Variants in IL17RB observed in about 807,000 individuals in gnomAD.
IL17RB encodes interleukin 17 receptor B.
A neutral mutation model predicts 43.9 loss-of-function variants in IL17RB; 36 were observed. That is an observed-to-expected ratio of 0.82 (90% confidence interval 0.63 to 1.08). The LOEUF is 1.08. Ranked by LOEUF, IL17RB falls within the 50% of genes least tolerant of loss-of-function variation. The pLI is 0.00. For missense variants in IL17RB, 613 were observed against 613.6 expected (o/e 1.00, Z 0.01); for synonymous variants, 225 against 225.4 (o/e 1.00, Z 0.02).
intron 10 of IL17RB, among the ~76,000 whole-genome samples, chr3:53,863,333 C>T (rs1210551256): frequency 6.6e-6 from 1 of 152,094 alleles, no homozygotes; most frequent in Non-Finnish European, 1.5e-5. Flanking sequence ...TTGCTAACTT[C>T]AAAACATGGA....
At chr3:53,856,004 C>T (rs28385746) in intron 6 of IL17RB, among the ~76,000 whole-genome samples, 2,025 of 152,304 alleles carry the variant, frequency 0.013, 42 homozygotes, top group African/African-American at 0.045. Context: ...GCCCAGAACT[C>T]TTAGGCACCC....
At position 53,853,000 on chromosome 3, in the gene IL17RB, A is replaced by G; in HGVS notation, c.481+3A>G. On this transcript the variant is annotated splice_donor_region_variant and intron_variant, in intron 5 of 10. Coordinates refer to ENST00000288167, the MANE Select transcript of IL17RB (RefSeq NM_018725.4). ...GTCTGTGAATTTCACCTCACCAGGTAAACTTCCTCATTTGTTTATTATTCT... is the reference window on the plus strand; with the variant it reads ...GTCTGTGAATTTCACCTCACCAGGTGAACTTCCTCATTTGTTTATTATTCT... 1 of 1,614,036 alleles carries G rather than the reference A, an allele frequency of 6.2e-7. No homozygotes were observed. The highest frequency in any genetic ancestry group is 8.5e-7 in the Non-Finnish European group (1 of 1,179,924).
chr3:53,855,247 A>G (rs1483841008), intron 5 of IL17RB, 47 bp from the exon 6 acceptor site: 1 of 1,324,482 alleles, frequency 7.6e-7, no homozygotes, highest in East Asian at 2.3e-5. Flanking sequence ...GGGGTGGGGC[A>G]GAGATACCTT....
At chr3:53,862,165 A>G (rs1576847645) in intron 10 of IL17RB, among the ~76,000 whole-genome samples, 1 of 152,162 alleles carries the variant, frequency 6.6e-6, no homozygotes, top group Admixed American at 6.5e-5. Flanking sequence ...TTGATATTGG[A>G]CAATGCCCCC....
Position 53,865,011 on chromosome 3 carries a change from C to T in IL17RB, c.1212C>T (p.Cys404=), listed in dbSNP as rs3733078. The change falls in exon 11 of 11, where the codon TGC becomes TGT. Residue 404 remains cysteine, a synonymous_variant. Transcript: ENST00000288167. ...FLLSNDVNSV[C]DGTCGKSEGS... Reference sequence around the variant, plus strand: ...TTTCCAATGACGTCAACAGTGTGTGCGATGGTACCTGTGGCAAGAGCGAGG... The same window carrying T: ...TTTCCAATGACGTCAACAGTGTGTGTGATGGTACCTGTGGCAAGAGCGAGG... 115 of 1,614,044 alleles carry T rather than the reference C, an allele frequency of 7.1e-5. No individual in the cohort carries two copies. The highest frequency in any genetic ancestry group is 3.6e-4 in the East Asian group (16 of 44,898).
At chr3:53,863,457 T>C (rs1256460706) in intron 10 of IL17RB, among the ~76,000 whole-genome samples, 1 of 152,212 alleles carries the variant, frequency 6.6e-6, no homozygotes, top group Non-Finnish European at 1.5e-5. Context: ...CTTTGAGTCA[T>C]TTGTGATGTT....
intron 2 of IL17RB, 77 bp downstream of exon 2, chr3:53,848,765 C>G: frequency 6.9e-7 from 1 of 1,447,626 alleles, no homozygotes; most frequent in Non-Finnish European, 9.7e-7. Context: ...CTAATATAGG[C>G]AATAGGTCAT....
chr3:53,858,679 T>C lies in IL17RB; in HGVS notation c.748-40T>C, dbSNP rs566155216. 20 of 1,608,846 alleles carry C rather than the reference T, an allele frequency of 1.2e-5. No homozygotes were observed. The South Asian group carries it at 1.8e-4, about 14-fold the overall frequency. On this transcript the variant is annotated intron_variant, in intron 8 of 10. Transcript: ENST00000288167. ...GAGTCTTGGTGAGATTTTGCTCTGA[T>C]GCATGGTGTGAACTTTCTGAGCCTC...
rs750002292 is a variant in IL17RB, at chr3:53,852,888, C to T, written c.372C>T (p.Ile124=). Residue 124 remains isoleucine, a synonymous_variant, in exon 5 of 11, where the codon ATC becomes ATT. Transcript: ENST00000288167. ...CCTTTCAGTGGACATTTTCCTACAT[C>T]GGCTTCCCTGTAGAGCTGAACACAG... The part of the protein sequence containing the change: ...PSGGKWTFSY[I]GFPVELNTVY... 1.1e-5 allele frequency: 18 copies of T among 1,613,534 alleles called. No homozygotes were observed. In the South Asian group the frequency reaches 1.2e-4, roughly 11 times the overall value.
chr3:53,858,088 C>G, intron 8 of IL17RB: 2 of 208,178 alleles, frequency 9.6e-6, no homozygotes, highest in Non-Finnish European at 2.0e-5. Flanking sequence ...CCTCTCTGGG[C>G]CGCAGCGGAC....
At chr3:53,864,068 C>CA (rs1403538402) in intron 10 of IL17RB, among the ~76,000 whole-genome samples, 1 of 152,132 alleles carries the variant, frequency 6.6e-6, no homozygotes, top group East Asian at 1.9e-4. Context: ...AGTGATCTAC[C>CA]AGCCTTGGCC....
At chr3:53,862,397 A>T (rs930774319) in intron 10 of IL17RB, among the ~76,000 whole-genome samples, 4 of 152,234 alleles carry the variant, frequency 2.6e-5, no homozygotes, top group African/African-American at 9.6e-5. Flanking sequence ...AGATGCCATC[A>T]TTGTGACAGA....
chr3:53,849,489 A>G (rs1699052412), intron 2 of IL17RB, among the ~76,000 whole-genome samples, 166 bp from the exon 3 acceptor site: 1 of 150,294 alleles, frequency 6.7e-6, no homozygotes, highest in South Asian at 2.1e-4. Flanking sequence ...CATCTTAGGC[A>G]ACAGAGTGAG....
chr3:53,852,480 C>T (rs891179103), intron 4 of IL17RB, among the ~76,000 whole-genome samples: 3 of 152,090 alleles, frequency 2.0e-5, no homozygotes, highest in African/African-American at 7.2e-5. Context: ...AAAGCTATGC[C>T]CTTTGTTTGG....
At position 53,865,357 on chromosome 3, in the gene IL17RB, T is replaced by C. The variant is rs1287971709; in HGVS notation, c.*49T>C. The C allele has an allele frequency of 2.1e-6, 3 of 1,440,012 alleles. No homozygotes were observed. The highest frequency in any genetic ancestry group is 1.4e-5 in the African/African-American group (1 of 70,102). The allele number at this position is 1,440,012 out of a possible 1,614,324, so 89.2% of individuals were successfully genotyped here. A position where few individuals can be genotyped will look rare whatever the true frequency, so the allele number is the denominator to read the frequency against. Reference sequence around the variant, plus strand: ...CTTAAAGGCTTCCTATCCCACCAATTACAGGGAAAAAACGTGTGATGATCC... The same window carrying C: ...CTTAAAGGCTTCCTATCCCACCAATCACAGGGAAAAAACGTGTGATGATCC... On this transcript the variant is annotated 3_prime_UTR_variant, in exon 11 of 11. Transcript: ENST00000288167.
intron 3 of IL17RB, 33 bp from the exon 4 acceptor site, chr3:53,851,966 A>T: frequency 2.5e-6 from 4 of 1,613,808 alleles, no homozygotes; most frequent in Non-Finnish European, 3.4e-6. Context: ...GCAAGTGCTA[A>T]ATAAACCAAT....
chr3:53,864,944 T>G lies in IL17RB; in HGVS notation c.1145T>G (p.Leu382Arg). Residue 382 changes from leucine (L) to arginine (R), a missense_variant, in exon 11 of 11, where the codon CTT becomes CGT. Physicochemically the swap from Leu to Arg is moderately radical, Grantham distance 102. Transcript: ENST00000288167. ...GCAGAGATGGGTCCAGTGCAGTGGC[T>G]TGCCACTCAAAAGAAGGCAGCAGAC... is the stretch of plus-strand genomic sequence containing the variant. ...KIAEMGPVQWLATQKKAADKV... is the reference protein window; with the variant it reads ...KIAEMGPVQWRATQKKAADKV... The G allele has an allele frequency of 6.2e-7, 1 of 1,614,104 alleles. No individual in the cohort carries two copies. Among genetic ancestry groups the G allele is most frequent in the East Asian group, 2.2e-5 (1 of 44,880 alleles).
chr3:53,852,160 G>A, intron 4 of IL17RB, 34 bp downstream of exon 4: 4 of 1,599,782 alleles, frequency 2.5e-6, no homozygotes, highest in Non-Finnish European at 3.4e-6. Flanking sequence ...TTTGTTTTTT[G>A]AGATAGCATC....
intron 3 of IL17RB, among the ~76,000 whole-genome samples, chr3:53,850,854 G>T (rs1227861837): frequency 6.6e-6 from 1 of 152,086 alleles, no homozygotes; most frequent in Non-Finnish European, 1.5e-5. Context: ...TCCTGCTGGG[G>T]TAGGAATAAC....
Sources: gnomAD v4.1 joint callset for allele counts (sites outside exome capture counted in the v4.1 genomes callset) on GRCh38, gnomAD v4.1.1 for gene constraint, MANE v1.5 for transcripts, NCBI Gene and HGNC (gene_info 2026-07-23, HGNC 2026-07-21) for gene names.